Variants in SYNPR observed in about 807,000 individuals in gnomAD.
SYNPR encodes the protein synaptoporin.
Under a neutral mutation model 32.9 loss-of-function variants are expected in SYNPR, and 23 were observed. The ratio of observed to expected loss-of-function variants is 0.70; its 90% CI spans 0.50 to 0.99. The LOEUF is 0.99. Among genes scored for constraint, SYNPR ranks in the 50% least tolerant of loss-of-function variants. The pLI is 0.00. For synonymous variants in SYNPR, 146 were observed against 135.9 expected (o/e 1.07, Z -0.52); for missense variants, 318 against 349.3 (o/e 0.91, Z 0.71).
intron 5 of SYNPR, chr3:63,610,368 C>T (rs553453104): frequency 3.3e-5 from 16 of 481,796 alleles, no homozygotes; most frequent in African/African-American, 2.3e-4. Flanking sequence ...CAAAAAGCAG[C>T]GGTTATCGAA....
Position 63,452,196 on chromosome 3 carries a change from G to A in SYNPR, c.85-28636G>A, listed in dbSNP as rs1575651536. 2.5e-5 allele frequency: 16 copies of A among 633,078 alleles called. No homozygotes were observed. The East Asian group carries it at 4.6e-4, about 18-fold the overall frequency. The allele number at this position is 633,078 out of a possible 1,614,324, so 39.2% of individuals were successfully genotyped here. A position where few individuals can be genotyped will look rare whatever the true frequency, so the allele number is the denominator to read the frequency against. On this transcript the variant is annotated intron_variant, in intron 2 of 5. Transcript: ENST00000478300. ...TGTGCATTCTATGTAATACTGAGCA[G>A]CCACTGGGTGCCGGGTTAAGATTTG...
intron 4 of SYNPR, among the ~76,000 whole-genome samples, chr3:63,608,152 C>G (rs1303490046): frequency 6.6e-6 from 1 of 152,074 alleles, no homozygotes; most frequent in Non-Finnish European, 1.5e-5. Context: ...CTTAGACAGT[C>G]TCTCCTGCCT....
chr3:63,233,828 T>C (rs17300323), intron 1 of SYNPR, among the ~76,000 whole-genome samples: 9,536 of 152,296 alleles, frequency 0.063, 382 homozygotes, highest in Middle Eastern at 0.082. Flanking sequence ...TGTTATGAGA[T>C]AGCCTTAGGA....
At chr3:63,274,919 A>T (rs981429609), upstream of SYNPR, among the ~76,000 whole-genome samples, 2 of 152,126 alleles carry the variant, frequency 1.3e-5, no homozygotes, top group African/African-American at 4.8e-5. Context: ...ATCACCCTCT[A>T]TTGAGAACCA....
intron 2 of SYNPR, among the ~76,000 whole-genome samples, chr3:63,313,845 A>C (rs755803680): frequency 2.1e-5 from 1 of 48,080 alleles, no homozygotes; most frequent in African/African-American, 1.0e-4. Flanking sequence ...ATATATATAT[A>C]TCCATATATA....
At chr3:63,207,782 T>TA in the SYNPR span, among the ~76,000 whole-genome samples, 15 of 151,814 alleles carry the variant, frequency 9.9e-5, no homozygotes, top group African/African-American at 2.7e-4. Flanking sequence ...TGCATTTTTT[T>TA]AAAAAAAATG....
intron 3 of SYNPR, among the ~76,000 whole-genome samples, chr3:63,504,533 G>C (rs575036860): frequency 6.6e-6 from 1 of 151,932 alleles, no homozygotes; most frequent in African/African-American, 2.4e-5. Context: ...TTGCCCCTTC[G>C]AGTGCAATGT....
chr3:63,582,687 T>C (rs952287758), intron 4 of SYNPR, among the ~76,000 whole-genome samples: 1 of 152,088 alleles, frequency 6.6e-6, no homozygotes, highest in African/African-American at 2.4e-5. Flanking sequence ...CAAAAATACA[T>C]TTGACACAGT....
chr3:63,227,523 G>A (rs1417900555), upstream of SYNPR, among the ~76,000 whole-genome samples: 1 of 152,008 alleles, frequency 6.6e-6, no homozygotes, highest in Non-Finnish European at 1.5e-5. Flanking sequence ...TTCTCACACT[G>A]GAAAAAAATG....
At chr3:63,337,140 G>A (rs945486168) in intron 2 of SYNPR, among the ~76,000 whole-genome samples, 1 of 146,430 alleles carries the variant, frequency 6.8e-6, no homozygotes, top group Non-Finnish European at 1.5e-5. Context: ...GCTGAGGCAG[G>A]AGAATTGATT....
chr3:63,408,204 GGAAGGA>G (rs1560220902), intron 2 of SYNPR, among the ~76,000 whole-genome samples: 3 of 52,826 alleles, frequency 5.7e-5, no homozygotes, highest in Non-Finnish European at 6.8e-5. Context: ...GAGGAAGGAA[GGAAGGA>G]AGGAAGGAAG....
At chr3:63,499,905 TCACACACA>T (rs60572999) in intron 3 of SYNPR, among the ~76,000 whole-genome samples, 1 of 150,808 alleles carries the variant, frequency 6.6e-6, no homozygotes, top group Non-Finnish European at 1.5e-5. Flanking sequence ...GAAAAGATAA[TCACACACA>T]CACACACAAA....
At chr3:63,415,205 G>C (rs1157559929) in intron 2 of SYNPR, among the ~76,000 whole-genome samples, 1 of 152,062 alleles carries the variant, frequency 6.6e-6, no homozygotes, top group Non-Finnish European at 1.5e-5. Flanking sequence ...CTATAAAATG[G>C]TGTGCTCCTA....
intron 2 of SYNPR, among the ~76,000 whole-genome samples, chr3:63,424,899 A>G (rs578058486): frequency 1.9e-4 from 29 of 152,348 alleles, no homozygotes; most frequent in African/African-American, 6.3e-4. Context: ...AAAGACAGTA[A>G]TCTTTCCTCA....
At chr3:63,346,133 A>G (rs897180586) in intron 2 of SYNPR, among the ~76,000 whole-genome samples, 4 of 152,050 alleles carry the variant, frequency 2.6e-5, no homozygotes, top group African/African-American at 9.7e-5. Flanking sequence ...ATTTTATTCA[A>G]ACTCTTCATA....
Position 63,583,864 on chromosome 3 carries a change from C to A in SYNPR, c.409-25261C>A, listed in dbSNP as rs145798354. Among the ~76,000 whole-genome samples, 1,213 of 152,100 alleles carry A rather than the reference C, an allele frequency of 8.0e-3. 10 individuals are homozygous for A. Among genetic ancestry groups the A allele is most frequent in the African/African-American group, 0.022 (914 of 41,518 alleles). ...AATAGTTCTGACTGCAGATCCTATT[C>A]AGGAGAGATAATAAGTAAAAGAATC... On this transcript the variant is annotated intron_variant, in intron 4 of 5. Coordinates refer to ENST00000478300, the MANE Select transcript of SYNPR (RefSeq NM_001130003.2).
chr3:63,429,060 G>A (rs1699939131), intron 2 of SYNPR, among the ~76,000 whole-genome samples: 1 of 152,312 alleles, frequency 6.6e-6, no homozygotes, highest in African/African-American at 2.4e-5. Flanking sequence ...GGAAAATGCA[G>A]AGAACTGATG....
intron 3 of SYNPR, among the ~76,000 whole-genome samples, chr3:63,506,842 C>T (rs1055545475): frequency 3.3e-5 from 5 of 152,076 alleles, no homozygotes; most frequent in African/African-American, 4.8e-5. Context: ...CATATGACGG[C>T]CCCTGAGCAC....
At chr3:63,592,786 T>A (rs140939857) in intron 4 of SYNPR, among the ~76,000 whole-genome samples, 1 of 152,120 alleles carries the variant, frequency 6.6e-6, no homozygotes, top group African/African-American at 2.4e-5. Context: ...CTTTTCTATA[T>A]TGTATTTTTA....
Sources: allele counts gnomAD v4.1 joint callset (sites outside exome capture counted in the v4.1 genomes callset), GRCh38; gene constraint gnomAD v4.1.1; transcripts MANE v1.5; gene names NCBI Gene and HGNC (gene_info 2026-07-23, HGNC 2026-07-21).